The following ANAPC5 variants were observed in gnomAD, a reference collection of about 807,000 sequenced individuals.
The protein encoded by ANAPC5 is anaphase-promoting complex subunit 5.
Under a neutral mutation model 91.3 loss-of-function variants are expected in ANAPC5, and 60 were observed. The observed-to-expected ratio is 0.66, with a 90% CI of 0.53 to 0.81. The LOEUF is 0.81. Among genes scored for constraint, ANAPC5 ranks in the 40% least tolerant of loss-of-function variants. The probability of loss-of-function intolerance (pLI) is 0.00; values close to 1 mark genes in which losing one functional copy is unlikely to be tolerated. For missense variants in ANAPC5, 690 were observed against 931.5 expected, an observed-to-expected ratio of 0.74 and a Z score of 3.37; for synonymous variants, 340 against 364.1, an observed-to-expected ratio of 0.93 and a Z score of 0.75.
In ANAPC5 at chr12:121,316,719, C is replaced by G. The variant is rs1257172239; in HGVS notation, c.1893+1558G>C. Among the ~76,000 whole-genome samples the G allele has an allele frequency of 2.7e-5, 3 of 111,174 alleles. 1 individual carries two copies. The highest frequency in any genetic ancestry group is 1.1e-4 in the African/African-American group (3 of 27,150). The allele number at this position is 111,174 out of a possible 152,430, so 72.9% of individuals were successfully genotyped here. A position where few individuals can be genotyped will look rare whatever the true frequency, so the allele number is the denominator to read the frequency against. ...CTGCACTCCAGCCTGGGTGACAGAGCGAGACTCTGTCTCAAAAAAAAAAAA... is the reference window on the plus strand; with the variant it reads ...CTGCACTCCAGCCTGGGTGACAGAGGGAGACTCTGTCTCAAAAAAAAAAAA... On this transcript the variant is annotated intron_variant, in intron 15 of 16. Transcript: ENST00000261819.
chr12:121,345,728 G>C, intron 4 of ANAPC5, 111 bp downstream of exon 4: 4 of 1,109,876 alleles, frequency 3.6e-6, no homozygotes, highest in Non-Finnish European at 5.2e-6. Context: ...AGATCTGGAA[G>C]GGTAAAAAGG....
chr12:121,312,516 C>T (rs1263894174), intron 15 of ANAPC5, among the ~76,000 whole-genome samples: 3 of 151,230 alleles, frequency 2.0e-5, no homozygotes, highest in African/African-American at 4.9e-5. Context: ...ACCATCCTAA[C>T]ACGATGAAAC....
At position 121,316,419 on chromosome 12, in the gene ANAPC5, G is replaced by A. The variant is rs149347809; in HGVS notation, c.1893+1858C>T. Among the ~76,000 whole-genome samples the A allele has an allele frequency of 2.9e-3, 436 of 152,202 alleles. 3 individuals are homozygous for A. Among genetic ancestry groups the A allele is most frequent in the African/African-American group, 9.5e-3 (393 of 41,546 alleles). On this transcript the variant is annotated intron_variant, in intron 15 of 16. Coordinates refer to ENST00000261819, the MANE Select transcript of ANAPC5 (RefSeq NM_016237.5). ...AAAATTATCATGACTCAGCAATTCC[G>A]TTCGTAGGCATCAAATGAAAACAGG... is the stretch of plus-strand genomic sequence containing the variant.
chr12:121,339,943 C>A (rs1438024728), intron 5 of ANAPC5, among the ~76,000 whole-genome samples: 1 of 129,332 alleles, frequency 7.7e-6, no homozygotes, highest in Non-Finnish European at 1.6e-5. Context: ...GTGGTGTGAT[C>A]TCGGCTCACT....
At chr12:121,334,614 G>A (rs1219809604) in intron 7 of ANAPC5, 1 of 151,962 alleles carries the variant, frequency 6.6e-6, no homozygotes, top group Non-Finnish European at 1.5e-5. Flanking sequence ...AAACATAATT[G>A]ATCGATTTTC....
At chr12:121,319,670 G>C in intron 13 of ANAPC5, 27 bp downstream of exon 13, 1 of 1,587,880 alleles carries the variant, frequency 6.3e-7, no homozygotes, top group Non-Finnish European at 8.5e-7. Context: ...ATTTTATTCT[G>C]GGGTTAGAGT....
At chr12:121,314,834 TTGTC>T (rs1333929617) in intron 15 of ANAPC5, among the ~76,000 whole-genome samples, 1 of 152,190 alleles carries the variant, frequency 6.6e-6, no homozygotes, top group Admixed American at 6.5e-5. Context: ...TTTCACCATG[TTGTC>T]CAGGCTGGTC....
chr12:121,324,991 T>A (rs1902755819), intron 11 of ANAPC5, among the ~76,000 whole-genome samples: 1 of 152,084 alleles, frequency 6.6e-6, no homozygotes, highest in Non-Finnish European at 1.5e-5. Flanking sequence ...AGAGTGAGAT[T>A]CCATCTCTAC....
intron 1 of ANAPC5, among the ~76,000 whole-genome samples, chr12:121,350,354 C>G (rs1555275159): frequency 6.6e-6 from 1 of 152,214 alleles, no homozygotes; most frequent in East Asian, 1.9e-4. Flanking sequence ...ACAGACAATG[C>G]TTATCCATCA....
intron 10 of ANAPC5, chr12:121,327,525 A>G: frequency 2.7e-6 from 1 of 374,320 alleles, no homozygotes; most frequent in South Asian, 3.1e-5. Flanking sequence ...TAGTATGTTA[A>G]TTAGTTTTCA....
At position 121,335,594 on chromosome 12, in the gene ANAPC5, CATAGCCCTCTT is replaced by C. The variant is rs1411736622; in HGVS notation, c.878_888del (p.Glu293GlyfsTer33). 1 of 1,613,860 alleles carries C rather than the reference CATAGCCCTCTT, an allele frequency of 6.2e-7. No homozygotes were observed. Among genetic ancestry groups the C allele is most frequent in the Non-Finnish European group, 8.5e-7 (1 of 1,179,838 alleles). On this transcript the variant is annotated frameshift_variant, in exon 7 of 17. Transcript: ENST00000261819. LOFTEE classifies it high-confidence loss of function. ...AGAGCGGCGTATCTCAAGCTCCGGC[CATAGCCCTCTT>C]CCCCATTACTTTTGCTTTCGGCTCC...
intron 5 of ANAPC5, among the ~76,000 whole-genome samples, chr12:121,339,257 G>T (rs1271420544): frequency 1.3e-5 from 2 of 151,704 alleles, no homozygotes; most frequent in Non-Finnish European, 2.9e-5. Flanking sequence ...CTCCATGTTG[G>T]CCAGGGTGGT....
intron 1 of ANAPC5, chr12:121,351,041 T>C (rs1903870309): frequency 2.3e-6 from 1 of 444,048 alleles, no homozygotes; most frequent in South Asian, 1.6e-5. Context: ...ATTAAGGAAC[T>C]TAATTATCTG....
upstream of ANAPC5, among the ~76,000 whole-genome samples, chr12:121,353,107 T>C (rs1280591101): frequency 6.6e-6 from 1 of 152,210 alleles, no homozygotes; most frequent in Non-Finnish European, 1.5e-5. Flanking sequence ...GACAGCCAGA[T>C]CAGGTTGCCA....
In ANAPC5 at chr12:121,309,791, C is replaced by T; in HGVS notation, c.1966G>A (p.Ala656Thr). The T allele has an allele frequency of 6.2e-7, 1 of 1,614,162 alleles. No individual in the cohort carries two copies. Among genetic ancestry groups the T allele is most frequent in the Non-Finnish European group, 8.5e-7 (1 of 1,180,022 alleles). The change falls in exon 16 of 17, where the codon GCT becomes ACT. Residue 656 changes from alanine (A) to threonine (T), a missense_variant. Physicochemically the swap from Ala to Thr is moderately conservative, Grantham distance 58. This residue lies in a region of ANAPC5 where 317 missense variants were observed against 438.7 expected (regional missense o/e 0.72). Transcript: ENST00000261819. ...MAIEPILADGAILDKGRAMFL... is the reference protein window; with the variant it reads ...MAIEPILADGTILDKGRAMFL... ...ATGGCACGACCTTTGTCCAGGATAG[C>T]CCCGTCAGCCAAGATGGGCTCGATG... is the stretch of plus-strand genomic sequence containing the variant.
intron 1 of ANAPC5, among the ~76,000 whole-genome samples, chr12:121,349,489 G>A (rs1170987845): frequency 6.6e-6 from 1 of 151,944 alleles, no homozygotes; most frequent in Non-Finnish European, 1.5e-5. Flanking sequence ...GAGCCTGGGA[G>A]GTGGAGGCTA....
chr12:121,321,782 C>T (rs1361464911), intron 11 of ANAPC5, among the ~76,000 whole-genome samples: 1 of 152,072 alleles, frequency 6.6e-6, no homozygotes, highest in East Asian at 1.9e-4. Flanking sequence ...AAGCAATCCA[C>T]CCACCTCAAC....
Position 121,308,553 on chromosome 12 carries a change from C to T in ANAPC5, c.2195G>A (p.Arg732Gln), listed in dbSNP as rs755699638. Residue 732 changes from arginine (R) to glutamine (Q), a missense_variant, in exon 17 of 17, where the codon CGG (arginine) becomes CAG (glutamine). Physicochemically the swap from Arg to Gln is conservative, Grantham distance 43. This residue lies in a region of ANAPC5 where 317 missense variants were observed against 438.7 expected (regional missense o/e 0.72). Transcript: ENST00000261819. ...HTLGKTQERNRCAMLFRQLHQ... is the reference protein window; with the variant it reads ...HTLGKTQERNQCAMLFRQLHQ... ...CAGCTGCCGGAAGAGCATCGCACACCGGTTCCTCTCCTGGGTCTTCCCCAG... is the reference window on the plus strand; with the variant it reads ...CAGCTGCCGGAAGAGCATCGCACACTGGTTCCTCTCCTGGGTCTTCCCCAG... 15 of 1,614,038 alleles carry T rather than the reference C, an allele frequency of 9.3e-6. No individual in the cohort carries two copies. The highest frequency in any genetic ancestry group is 3.3e-5 in the Admixed American group (2 of 60,000).
intron 15 of ANAPC5, among the ~76,000 whole-genome samples, chr12:121,316,827 G>C (rs550978621): frequency 1.3e-5 from 2 of 151,906 alleles, no homozygotes; most frequent in East Asian, 3.9e-4. Context: ...CCAAAAGGTG[G>C]AAACGACTCA....
Sources: allele counts gnomAD v4.1 joint callset (sites outside exome capture counted in the v4.1 genomes callset), GRCh38; gene constraint gnomAD v4.1.1; regional missense constraint gnomAD v4.1.1; transcripts MANE v1.5; gene names NCBI Gene and HGNC (gene_info 2026-07-23, HGNC 2026-07-21).